ATXN1: variants seen among roughly 807,000 people sequenced by gnomAD.
ATXN1 encodes the protein ataxin-1.
ATXN1 carries 8 observed loss-of-function variants against 56.4 expected under a neutral mutation model. That is an observed-to-expected ratio of 0.14 (90% CI 0.08 to 0.26). ATXN1 has a LOEUF of 0.26. Among genes scored for constraint, ATXN1 ranks in the 10% least tolerant of loss-of-function variants. The probability of loss-of-function intolerance (pLI) is 1.00; values close to 1 mark genes in which losing one functional copy is unlikely to be tolerated. For missense variants in ATXN1, 987 were observed against 1,106.5 expected (o/e 0.89, Z 1.53); for synonymous variants, 514 against 494.6 (o/e 1.04, Z -0.52).
At chr6:16,376,231 A>C (rs1440112284) in intron 6 of ATXN1, among the ~76,000 whole-genome samples, 2 of 152,208 alleles carry the variant, frequency 1.3e-5, no homozygotes, top group Admixed American at 6.5e-5. Context: ...CCTTTCAGTA[A>C]TGTTACAGAA....
rs1470859652 is a variant in ATXN1, at chr6:16,689,519, T to TC, written c.-614-31619_-614-31618insG. Among the ~76,000 whole-genome samples the TC allele has an allele frequency of 5.4e-5, 7 of 129,154 alleles. No homozygotes were observed. In the South Asian group the frequency reaches 7.1e-4, roughly 13 times the overall value. 84.7% of individuals were successfully genotyped at this position (129,154 alleles called of 152,430 possible). ...TCCTTCCTTTTTTTTTCTTTTTTTT[T>TC]TCTTTTTTTTTTTTTTGTAGAGATG... On this transcript the variant is annotated intron_variant, in intron 2 of 7. Coordinates refer to ENST00000436367, the MANE Select transcript of ATXN1 (RefSeq NM_001128164.2).
chr6:16,569,528 GAAAAAAAA>G (rs60416047), intron 4 of ATXN1, among the ~76,000 whole-genome samples: 5 of 96,404 alleles, frequency 5.2e-5, no homozygotes, highest in Non-Finnish European at 9.9e-5. Flanking sequence ...CTCCGTCTCA[GAAAAAAAA>G]AAAAAAAAAA....
At chr6:16,330,390 C>CTTTTT (rs60608169) in intron 6 of ATXN1, among the ~76,000 whole-genome samples, 3 of 119,822 alleles carry the variant, frequency 2.5e-5, no homozygotes, top group South Asian at 2.6e-4. Flanking sequence ...TCCTTCCTTC[C>CTTTTT]TTTTTTTTTT....
At chr6:16,504,255 T>C (rs964500441) in intron 5 of ATXN1, among the ~76,000 whole-genome samples, 1 of 152,216 alleles carries the variant, frequency 6.6e-6, no homozygotes, top group Non-Finnish European at 1.5e-5. Flanking sequence ...CATGTATTGC[T>C]AGGAGCCAGC....
At chr6:16,623,562 C>T (rs1763356209) in intron 3 of ATXN1, among the ~76,000 whole-genome samples, 1 of 152,208 alleles carries the variant, frequency 6.6e-6, no homozygotes, top group Non-Finnish European at 1.5e-5. Context: ...TAAGTAATCA[C>T]ATATTGCTGG....
intron 6 of ATXN1, among the ~76,000 whole-genome samples, chr6:16,480,625 A>G (rs976996214): frequency 6.6e-6 from 1 of 152,184 alleles, no homozygotes. Context: ...TTTAATAAAT[A>G]TCATGTAATT....
intron 2 of ATXN1, among the ~76,000 whole-genome samples, chr6:16,731,675 T>C (rs946378225): frequency 6.6e-6 from 1 of 151,960 alleles, no homozygotes; most frequent in African/African-American, 2.4e-5. Context: ...TGGGCATTTT[T>C]CCCCATGATA....
At chr6:16,724,516 C>T (rs922267019) in intron 2 of ATXN1, among the ~76,000 whole-genome samples, 10 of 152,130 alleles carry the variant, frequency 6.6e-5, no homozygotes, top group Non-Finnish European at 1.3e-4. Context: ...CCAGGGCAAG[C>T]AACCCATGAA....
chr6:16,309,803 G>A (rs1319174661), intron 7 of ATXN1, among the ~76,000 whole-genome samples: 2 of 152,148 alleles, frequency 1.3e-5, no homozygotes, highest in East Asian at 3.8e-4. Context: ...GGAGGCCGAG[G>A]TGGGTGGATT....
rs973560823 is a variant in ATXN1, at chr6:16,711,215, T to C, written c.-615+42018A>G. Among the ~76,000 whole-genome samples the C allele has an allele frequency of 2.6e-5, 4 of 152,222 alleles. No individual in the cohort carries two copies. In the South Asian group the frequency reaches 8.3e-4, roughly 31 times the overall value. On this transcript the variant is annotated intron_variant, in intron 2 of 7. Coordinates refer to ENST00000436367, the MANE Select transcript of ATXN1 (RefSeq NM_001128164.2). Reference sequence around the variant, plus strand: ...ACTTCAATAATTGTTGTTTCATACATTTTAATAAAAACTGAATCTTGACCC... The same window carrying C: ...ACTTCAATAATTGTTGTTTCATACACTTTAATAAAAACTGAATCTTGACCC...
At chr6:16,759,530 G>GTTTT (rs1046854905) in intron 1 of ATXN1, among the ~76,000 whole-genome samples, 1,074 of 45,986 alleles carry the variant, frequency 0.023, 290 homozygotes, top group East Asian at 0.041. Flanking sequence ...TCTTCCGACT[G>GTTTT]TTTTTTTTTT....
Position 16,411,125 on chromosome 6 carries a change from C to CAAA in ATXN1, c.-161+74844_-161+74846dup, listed in dbSNP as rs746717153. Reference sequence around the variant, plus strand: ...GGGTGACAGAGTGAGACCTCTGTGTCAAAAAAAAAAAAAAAAAAAAGAAAA... The same window carrying CAAA: ...GGGTGACAGAGTGAGACCTCTGTGTCAAAAAAAAAAAAAAAAAAAAAAAGAAAA... On this transcript the variant is annotated intron_variant, in intron 6 of 7. Coordinates refer to ENST00000436367, the MANE Select transcript of ATXN1 (RefSeq NM_001128164.2). Among the ~76,000 whole-genome samples, 508 of 80,546 alleles carry CAAA rather than the reference C, an allele frequency of 6.3e-3. 6 individuals carry two copies. The highest frequency in any genetic ancestry group is 0.013 in the African/African-American group (280 of 21,280). The allele number at this position is 80,546 out of a possible 152,430, so 52.8% of individuals were successfully genotyped here. A position where few individuals can be genotyped will look rare whatever the true frequency, so the allele number is the denominator to read the frequency against.
At chr6:16,461,309 A>C (rs1283448396) in intron 6 of ATXN1, among the ~76,000 whole-genome samples, 1 of 152,230 alleles carries the variant, frequency 6.6e-6, no homozygotes, top group African/African-American at 2.4e-5. Context: ...AGGTACTCAT[A>C]TCCGAAGCCA....
chr6:16,515,819 G>A (rs890922841), intron 5 of ATXN1, among the ~76,000 whole-genome samples: 1 of 152,326 alleles, frequency 6.6e-6, no homozygotes, highest in African/African-American at 2.4e-5. Flanking sequence ...GCGGATGCAG[G>A]AGGGGGATGG....
At chr6:16,581,321 G>C (rs1489617331) in intron 4 of ATXN1, among the ~76,000 whole-genome samples, 1 of 151,718 alleles carries the variant, frequency 6.6e-6, no homozygotes, top group Non-Finnish European at 1.5e-5. Flanking sequence ...AAAGAAAGAA[G>C]AAAACATCTG....
intron 4 of ATXN1, among the ~76,000 whole-genome samples, chr6:16,557,598 A>G (rs1249890137): frequency 2.0e-5 from 3 of 152,240 alleles, no homozygotes; most frequent in Non-Finnish European, 4.4e-5. Context: ...AGAATACCAT[A>G]CCGATATTAA....
chr6:16,753,472 G>A lies in ATXN1; in HGVS notation c.-729-125C>T, dbSNP rs1410765717. On this transcript the variant is annotated intron_variant, in intron 1 of 7. Transcript: ENST00000436367. ...TACAAATTTTAAGAACATCACATTC[G>A]GCATTCTGTTGTATGAGAATTACAC... The A allele has an allele frequency of 1.2e-5, 5 of 403,188 alleles. No individual in the cohort carries two copies. The East Asian group carries it at 2.2e-4, about 17-fold the overall frequency. 25.0% of individuals were successfully genotyped at this position (403,188 alleles called of 1,614,324 possible).
intron 3 of ATXN1, among the ~76,000 whole-genome samples, chr6:16,607,086 C>CTATGTTGGT (rs1763023805): frequency 8.7e-6 from 1 of 115,256 alleles, no homozygotes. Flanking sequence ...TGGGGTTTCA[C>CTATGTTGGT]CAGTTTAAAA....
chr6:16,620,027 T>G (rs894984368), intron 3 of ATXN1, among the ~76,000 whole-genome samples: 4 of 152,172 alleles, frequency 2.6e-5, no homozygotes, highest in Admixed American at 6.5e-5. Flanking sequence ...CTGTGGCAAT[T>G]GAATTTTACA....
Sources: gnomAD v4.1 joint callset for allele counts (sites outside exome capture counted in the v4.1 genomes callset) on GRCh38, gnomAD v4.1.1 for gene constraint, MANE v1.5 for transcripts, NCBI Gene and HGNC (gene_info 2026-07-23, HGNC 2026-07-21) for gene names.